SLC12A6: variants seen among roughly 807,000 people sequenced by gnomAD.
SLC12A6 encodes solute carrier family 12 member 6, also known as K-Cl cotransporter 3.
SLC12A6 carries 66 observed loss-of-function variants against 135.3 expected under a neutral mutation model. The observed-to-expected ratio is 0.49, with a 90% CI of 0.40 to 0.60. SLC12A6 has a LOEUF of 0.60. Among genes scored for constraint, SLC12A6 ranks in the 20% least tolerant of loss-of-function variants. The pLI, the probability that SLC12A6 is intolerant of heterozygous loss-of-function variation, is 0.00. For missense variants in SLC12A6, 1,058 were observed against 1,452.3 expected (o/e 0.73, Z 4.41); for synonymous variants, 513 against 508.8 (o/e 1.01, Z -0.11).
In SLC12A6 at chr15:34,231,810, CA is replaced by C. The variant is rs1890969322; in HGVS notation, c.*2070del. 1 of 152,008 alleles carries C rather than the reference CA, an allele frequency of 6.6e-6. No individual in the cohort carries two copies. Among genetic ancestry groups the C allele is most frequent in the Non-Finnish European group, 1.5e-5 (1 of 68,038 alleles). The allele number at this position is 152,008 out of a possible 1,614,324, so 9.4% of individuals were successfully genotyped here. On this transcript the variant is annotated 3_prime_UTR_variant, in exon 26 of 26. Coordinates refer to ENST00000354181, the MANE Select transcript of SLC12A6 (RefSeq NM_001365088.1). Reference sequence around the variant, plus strand: ...TTCACCGTGTTAGCCAGGATGGTCTCAAATCTCCTGACCTCGTGATCCGCCT... The same window carrying C: ...TTCACCGTGTTAGCCAGGATGGTCTCAATCTCCTGACCTCGTGATCCGCCT...
chr15:34,274,596 C>T (rs748497715), intron 3 of SLC12A6, among the ~76,000 whole-genome samples: 4 of 152,028 alleles, frequency 2.6e-5, no homozygotes, highest in Non-Finnish European at 4.4e-5. Context: ...GGGCGGATCA[C>T]GAGGTCAGGA....
Position 34,238,515 on chromosome 15 carries a change from T to G in SLC12A6, c.2633-114A>C, listed in dbSNP as rs930656629. On this transcript the variant is annotated intron_variant, in intron 20 of 25. Transcript: ENST00000354181. Reference sequence around the variant, plus strand: ...CACTTCTTTGAGCAAGGGGTCCTATTTACTTAGTAGGTTATTTCTCATTAC... The same window carrying G: ...CACTTCTTTGAGCAAGGGGTCCTATGTACTTAGTAGGTTATTTCTCATTAC... The G allele has an allele frequency of 1.3e-5, 10 of 794,270 alleles. No homozygotes were observed. The Admixed American group carries it at 1.6e-4, about 13-fold the overall frequency. 49.2% of individuals were successfully genotyped at this position (794,270 alleles called of 1,614,324 possible). A position where few individuals can be genotyped will look rare whatever the true frequency, so the allele number is the denominator to read the frequency against.
chr15:34,320,313 C>T (rs567638708), intron 2 of SLC12A6, among the ~76,000 whole-genome samples: 1 of 152,238 alleles, frequency 6.6e-6, no homozygotes, highest in Admixed American at 6.5e-5. Context: ...ACGATTCAGC[C>T]ATAAAAATGA....
At chr15:34,328,765 C>T (rs1189586772) in intron 2 of SLC12A6, among the ~76,000 whole-genome samples, 1 of 152,094 alleles carries the variant, frequency 6.6e-6, no homozygotes, top group Non-Finnish European at 1.5e-5. Flanking sequence ...TGCCTGTAGT[C>T]CCAGCTACTC....
chr15:34,294,573 ATTTTAT>A (rs1384512679), intron 2 of SLC12A6, among the ~76,000 whole-genome samples: 1 of 150,648 alleles, frequency 6.6e-6, no homozygotes, highest in Admixed American at 6.6e-5. Flanking sequence ...CTTTTTTTTA[ATTTTAT>A]TTTTAAGATA....
chr15:34,292,107 T>C (rs139055054), intron 2 of SLC12A6, among the ~76,000 whole-genome samples: 5,968 of 152,272 alleles, frequency 0.039, 217 homozygotes, highest in African/African-American at 0.098. Flanking sequence ...TCTGGTTTCT[T>C]CCCATCTTTG....
chr15:34,262,043 T>C (rs758073584), intron 3 of SLC12A6, among the ~76,000 whole-genome samples: 1 of 152,156 alleles, frequency 6.6e-6, no homozygotes, highest in African/African-American at 2.4e-5. Flanking sequence ...AAAAGACACA[T>C]GCACTTGTAT....
In SLC12A6 at chr15:34,336,489, A is replaced by C. The variant is rs1257946953; in HGVS notation, c.192T>G (p.Ser64=). ...TSRSEPMSEM[S]GATTSLATVA... ...CAGTTGCCAGCGAAGTGGTGGCCCC[A>C]GACATCTCACTCATAGGCTCACTCC... Residue 64 remains serine, a synonymous_variant, in exon 2 of 26, where the codon TCT becomes TCG. Coordinates refer to ENST00000354181, the MANE Select transcript of SLC12A6 (RefSeq NM_001365088.1). The C allele has an allele frequency of 6.2e-7, 1 of 1,613,702 alleles. No individual in the cohort carries two copies. The highest frequency in any genetic ancestry group is 1.3e-5 in the African/African-American group (1 of 75,018).
At chr15:34,261,537 A>T (rs560727893) in intron 3 of SLC12A6, among the ~76,000 whole-genome samples, 1 of 152,326 alleles carries the variant, frequency 6.6e-6, no homozygotes, top group Non-Finnish European at 1.5e-5. Flanking sequence ...GCCTCAAGTT[A>T]TCCGCCCACC....
At chr15:34,324,141 G>A (rs936080845) in intron 2 of SLC12A6, among the ~76,000 whole-genome samples, 2 of 151,936 alleles carry the variant, frequency 1.3e-5, no homozygotes, top group Admixed American at 6.6e-5. Context: ...AAACAAATAT[G>A]TATATAACAG....
intron 2 of SLC12A6, among the ~76,000 whole-genome samples, chr15:34,295,021 A>G (rs1034510942): frequency 3.3e-5 from 5 of 152,260 alleles, no homozygotes; most frequent in African/African-American, 1.2e-4. Flanking sequence ...AAAGTCTCCT[A>G]GTAGACATAA....
At chr15:34,276,402 CTG>C (rs1894299972) in intron 2 of SLC12A6, among the ~76,000 whole-genome samples, 1 of 152,156 alleles carries the variant, frequency 6.6e-6, no homozygotes, top group African/African-American at 2.4e-5. Flanking sequence ...CTTTAGTAAT[CTG>C]AAATAAAATT....
At chr15:34,277,499 A>G (rs1332974009) in intron 2 of SLC12A6, among the ~76,000 whole-genome samples, 2 of 152,032 alleles carry the variant, frequency 1.3e-5, no homozygotes, top group Admixed American at 1.3e-4. Flanking sequence ...GTTCTTGCAC[A>G]TAAGACAAAA....
intron 2 of SLC12A6, among the ~76,000 whole-genome samples, chr15:34,276,250 C>G (rs757676905): frequency 6.6e-6 from 1 of 152,142 alleles, no homozygotes; most frequent in Admixed American, 6.5e-5. Context: ...GACGAAGGAA[C>G]ATTTTAATGA....
In SLC12A6 at chr15:34,250,929, G is replaced by A. The variant is rs1377928394; in HGVS notation, c.1462C>T (p.Leu488=). The change falls in exon 11 of 26, where the codon CTG becomes TTG. Residue 488 remains leucine (L), a synonymous_variant. Coordinates refer to ENST00000354181, the MANE Select transcript of SLC12A6 (RefSeq NM_001365088.1). Reference sequence around the variant, plus strand: ...ACAGAGGGAAAGAAGATTCCCACCAGAAGCGTGAAGGAGGTGGTGATGTCA... The same window carrying A: ...ACAGAGGGAAAGAAGATTCCCACCAAAAGCGTGAAGGAGGTGGTGATGTCA... The part of the protein sequence containing the change: ...LVDITTSFTL[L]VGIFFPSVTG... The A allele has an allele frequency of 6.2e-7, 1 of 1,612,388 alleles. No homozygotes were observed. Among genetic ancestry groups the A allele is most frequent in the Non-Finnish European group, 8.5e-7 (1 of 1,178,442 alleles).
intron 9 of SLC12A6, 138 bp downstream of exon 9, chr15:34,254,206 GAGGA>G: frequency 1.2e-6 from 1 of 847,732 alleles, no homozygotes; most frequent in African/African-American, 1.6e-5. Flanking sequence ...CTGCCTAGAT[GAGGA>G]AGGAAGTCTA....
intron 2 of SLC12A6, among the ~76,000 whole-genome samples, chr15:34,287,190 T>A (rs1430028995): frequency 6.6e-6 from 1 of 152,190 alleles, no homozygotes; most frequent in East Asian, 1.9e-4. Context: ...TGTCCATGTG[T>A]TCTCATTGTT....
intron 8 of SLC12A6, 113 bp from the exon 9 acceptor site, chr15:34,254,702 G>A: frequency 1.2e-6 from 1 of 802,326 alleles, no homozygotes; most frequent in Non-Finnish European, 2.1e-6. Flanking sequence ...GAGAGAAAAT[G>A]ACTGGGGAAT....
chr15:34,301,051 C>G (rs1896219064), intron 2 of SLC12A6, among the ~76,000 whole-genome samples: 1 of 152,060 alleles, frequency 6.6e-6, no homozygotes, highest in South Asian at 2.1e-4. Flanking sequence ...TCACTGCAAC[C>G]TCCGCCTCCC....
Sources: gnomAD v4.1 joint callset for allele counts (sites outside exome capture counted in the v4.1 genomes callset) on GRCh38, gnomAD v4.1.1 for gene constraint, MANE v1.5 for transcripts, NCBI Gene and HGNC (gene_info 2026-07-23, HGNC 2026-07-21) for gene names.